Variants in NAV3 observed in about 807,000 individuals in gnomAD.
NAV3 encodes neuron navigator 3.
Under a neutral mutation model 244.7 loss-of-function variants are expected in NAV3, and 87 were observed. The observed-to-expected ratio is 0.36, with a 90% CI of 0.30 to 0.42. The LOEUF is 0.42. Among genes scored for constraint, NAV3 ranks in the 20% least tolerant of loss-of-function variants. NAV3 has a pLI of 1.00. For synonymous variants in NAV3, 1,126 were observed against 1,042.2 expected, an observed-to-expected ratio of 1.08 and a Z score of -1.55; for missense variants, 2,663 against 2,893.3, an observed-to-expected ratio of 0.92 and a Z score of 1.83.
chr12:77,980,311 T>C (rs1869336560), intron 5 of NAV3, among the ~76,000 whole-genome samples: 1 of 152,154 alleles, frequency 6.6e-6, no homozygotes, highest in South Asian at 2.1e-4. Flanking sequence ...TATGATTGTA[T>C]TGATGATTAT....
At chr12:77,779,657 C>T (rs1298498352) in intron 2 of NAV3, among the ~76,000 whole-genome samples, 1 of 152,102 alleles carries the variant, frequency 6.6e-6, no homozygotes, top group Non-Finnish European at 1.5e-5. Context: ...TCTGATTAAA[C>T]TGTATTTTTA....
At chr12:77,878,201 C>T (rs868232069) in intron 1 of NAV3, among the ~76,000 whole-genome samples, 2 of 151,858 alleles carry the variant, frequency 1.3e-5, no homozygotes, top group African/African-American at 4.8e-5. Flanking sequence ...GAATGAGATA[C>T]GGAATTAGTT....
intron 14 of NAV3, among the ~76,000 whole-genome samples, chr12:78,118,683 ACT>A (rs1483337786): frequency 2.0e-5 from 3 of 152,154 alleles, no homozygotes; most frequent in Non-Finnish European, 4.4e-5. Flanking sequence ...TGCACTACAG[ACT>A]CTGAGAGGAA....
intron 2 of NAV3, among the ~76,000 whole-genome samples, chr12:77,679,032 T>G (rs1874331313): frequency 6.6e-6 from 1 of 152,208 alleles, no homozygotes; most frequent in Non-Finnish European, 1.5e-5. Flanking sequence ...TTATTTTACT[T>G]GTGAACAAAA....
intron 29 of NAV3, among the ~76,000 whole-genome samples, chr12:78,180,371 C>T (rs1255116799): frequency 1.3e-5 from 2 of 151,802 alleles, no homozygotes; most frequent in East Asian, 1.9e-4. Flanking sequence ...CTTAGTGTCC[C>T]GATTGGAAGG....
At chr12:77,847,708 T>C (rs983035578) in intron 1 of NAV3, among the ~76,000 whole-genome samples, 1 of 152,242 alleles carries the variant, frequency 6.6e-6, no homozygotes, top group Admixed American at 6.5e-5. Context: ...CAAATGGTAG[T>C]TAAATTTTAA....
At chr12:77,958,255 G>C (rs1891554041) in intron 3 of NAV3, among the ~76,000 whole-genome samples, 1 of 152,144 alleles carries the variant, frequency 6.6e-6, no homozygotes, top group East Asian at 1.9e-4. Flanking sequence ...TTTTTCATGT[G>C]AGTAGTTGAA....
upstream of NAV3, among the ~76,000 whole-genome samples, chr12:77,827,908 C>T (rs1203477317): frequency 3.3e-5 from 5 of 152,192 alleles, no homozygotes; most frequent in African/African-American, 9.7e-5. Context: ...TCCCACTTTA[C>T]AGCCCATTGT....
intron 2 of NAV3, among the ~76,000 whole-genome samples, chr12:77,773,368 A>G (rs912743304): frequency 5.9e-5 from 9 of 152,194 alleles, no homozygotes; most frequent in African/African-American, 2.2e-4. Context: ...AACATCTTCC[A>G]TTGGAAAAAC....
In NAV3 at chr12:77,617,040, C is replaced by T. The variant is rs1450088031; in HGVS notation, c.72+44774C>T. 2.6e-5 allele frequency among the ~76,000 whole-genome samples: 4 copies of T among 152,218 alleles called. 1 individual carries two copies. The highest frequency in any genetic ancestry group is 1.5e-5 in the Non-Finnish European group (1 of 68,020). On this transcript the variant is annotated intron_variant, in intron 2 of 8. Coordinates refer to the NAV3 transcript ENST00000550042. ...ATCTTTTCTATTCTTGTGAGTTTCC[C>T]GAGCACATCTTTTGTGACTTTCTCT...
chr12:77,984,273 C>G (rs1565987041), intron 5 of NAV3, among the ~76,000 whole-genome samples: 1 of 152,152 alleles, frequency 6.6e-6, no homozygotes, highest in East Asian at 1.9e-4. Context: ...CCAAGAGCCA[C>G]AGTTAAAAGC....
chr12:77,895,210 T>C (rs1465832785), intron 1 of NAV3, among the ~76,000 whole-genome samples: 1 of 152,046 alleles, frequency 6.6e-6, no homozygotes, highest in Non-Finnish European at 1.5e-5. Context: ...AGATATTCAA[T>C]ATGAATAGAG....
At chr12:77,728,880 CT>C (rs1236893059) in intron 2 of NAV3, among the ~76,000 whole-genome samples, 1 of 151,872 alleles carries the variant, frequency 6.6e-6, no homozygotes, top group Non-Finnish European at 1.5e-5. Flanking sequence ...TCTGCTACCC[CT>C]GAGACAGCAA....
intron 34 of NAV3, among the ~76,000 whole-genome samples, chr12:78,192,730 A>C (rs1039593189): frequency 5.3e-5 from 8 of 152,108 alleles, no homozygotes; most frequent in Admixed American, 2.0e-4. Flanking sequence ...CTCTTGAACA[A>C]ATCACAATAG....
chr12:78,072,069 C>A (rs1218299364), intron 12 of NAV3, among the ~76,000 whole-genome samples: 2 of 151,932 alleles, frequency 1.3e-5, no homozygotes, highest in African/African-American at 4.8e-5. Flanking sequence ...ACTAAATGCC[C>A]ACAAGAGAAA....
chr12:78,206,062 T>C (rs1960269418), intron 39 of NAV3, among the ~76,000 whole-genome samples: 1 of 152,084 alleles, frequency 6.6e-6, no homozygotes, highest in Non-Finnish European at 1.5e-5. Flanking sequence ...TTTTGGGAGT[T>C]TCTTGTGGAA....
intron 2 of NAV3, among the ~76,000 whole-genome samples, chr12:77,734,570 T>G (rs1212147509): frequency 6.6e-6 from 1 of 152,182 alleles, no homozygotes; most frequent in Non-Finnish European, 1.5e-5. Flanking sequence ...TATTTTGTTG[T>G]AATTTTACAG....
At chr12:77,820,769 A>G (rs1375668217) in intron 2 of NAV3, among the ~76,000 whole-genome samples, 1 of 152,182 alleles carries the variant, frequency 6.6e-6, no homozygotes, top group Non-Finnish European at 1.5e-5. Context: ...TCAGTGGAAT[A>G]AGCAGATATT....
chr12:78,203,026 G>A (rs1024048799), intron 38 of NAV3, among the ~76,000 whole-genome samples: 1 of 152,046 alleles, frequency 6.6e-6, no homozygotes. Context: ...AAAACCTTAT[G>A]GGGAATGCAC....
Sources: gnomAD v4.1 joint callset for allele counts (sites outside exome capture counted in the v4.1 genomes callset) on GRCh38, gnomAD v4.1.1 for gene constraint, MANE v1.5 for transcripts, NCBI Gene and HGNC (gene_info 2026-07-23, HGNC 2026-07-21) for gene names.